Variants in MCMDC2 observed in about 807,000 individuals in gnomAD.
MCMDC2 encodes minichromosome maintenance domain-containing protein 2.
A neutral mutation model predicts 75.8 loss-of-function variants in MCMDC2; 54 were observed. The observed-to-expected ratio is 0.71, with a 90% confidence interval of 0.57 to 0.89. The LOEUF (loss-of-function observed/expected upper bound fraction) is 0.89. MCMDC2 is among the 40% of genes least tolerant of loss of function. The pLI is 0.00. For missense variants in MCMDC2, 656 were observed against 780.4 expected (o/e 0.84, Z 1.90); for synonymous variants, 249 against 274.6 (o/e 0.91, Z 0.92).
At position 66,920,386 on chromosome 8, in the gene MCMDC2, A is replaced by C. The variant is rs58005291; in HGVS notation, c.*1217A>C. 6.6e-6 allele frequency: 1 copy of C among 152,160 alleles called. No homozygotes were observed. The highest frequency in any genetic ancestry group is 2.1e-4 in the South Asian group (1 of 4,804). The allele number at this position is 152,160 out of a possible 1,614,324, so 9.4% of individuals were successfully genotyped here. A position where few individuals can be genotyped will look rare whatever the true frequency, so the allele number is the denominator to read the frequency against. ...CAGGTGCACTCCACCATGACTGGCT[A>C]ATTTTTGTATTTTTAGTAGAGACAG... On this transcript the variant is annotated 3_prime_UTR_variant, in exon 15 of 15. Coordinates refer to ENST00000422365, the MANE Select transcript of MCMDC2 (RefSeq NM_173518.5).
chr8:66,893,883 G>A (rs567639973), intron 10 of MCMDC2, among the ~76,000 whole-genome samples: 100 of 152,242 alleles, frequency 6.6e-4, no homozygotes, highest in African/African-American at 2.3e-3. Flanking sequence ...CACTCGTGAA[G>A]TTGGCCCTGC....
intron 11 of MCMDC2, 34 bp downstream of exon 11, chr8:66,896,370 T>G (rs962671006): frequency 7.8e-6 from 12 of 1,530,014 alleles, no homozygotes; most frequent in Non-Finnish European, 1.0e-5. Flanking sequence ...GTTAGAATGT[T>G]GTTCAAGGAA....
intron 9 of MCMDC2, among the ~76,000 whole-genome samples, 183 bp from the exon 10 acceptor site, chr8:66,890,682 G>A (rs973115302): frequency 6.6e-6 from 1 of 151,984 alleles, no homozygotes; most frequent in African/African-American, 2.4e-5. Context: ...TAGCATGTCT[G>A]GCTAATTTTC....
At chr8:66,900,261 A>G (rs1451708746) in intron 12 of MCMDC2, among the ~76,000 whole-genome samples, 1 of 152,046 alleles carries the variant, frequency 6.6e-6, no homozygotes, top group Non-Finnish European at 1.5e-5. Context: ...ACATAGTGAA[A>G]CCCCATCTCT....
At chr8:66,889,689 C>T (rs764471034) in intron 9 of MCMDC2, among the ~76,000 whole-genome samples, 1 of 152,050 alleles carries the variant, frequency 6.6e-6, no homozygotes, top group Non-Finnish European at 1.5e-5. Flanking sequence ...GTCCCAGCTA[C>T]TTGGGAGGCT....
intron 12 of MCMDC2, among the ~76,000 whole-genome samples, chr8:66,899,875 A>G (rs1381127329): frequency 6.6e-6 from 1 of 151,312 alleles, no homozygotes; most frequent in African/African-American, 2.4e-5. Context: ...TAATCCCAGC[A>G]CTCTGGGAGG....
At chr8:66,923,162 G>A (rs1813615914), downstream of MCMDC2, among the ~76,000 whole-genome samples, 2 of 152,130 alleles carry the variant, frequency 1.3e-5, no homozygotes, top group African/African-American at 4.8e-5. Context: ...CTATGAGCCA[G>A]GTTAGATGTA....
chr8:66,888,328 C>T (rs1286492218), intron 9 of MCMDC2, among the ~76,000 whole-genome samples: 3 of 152,114 alleles, frequency 2.0e-5, no homozygotes, highest in Non-Finnish European at 4.4e-5. Flanking sequence ...GTGATCTTCC[C>T]GCCTCGGCCT....
intron 13 of MCMDC2, among the ~76,000 whole-genome samples, chr8:66,902,369 G>T (rs1227811676): frequency 6.7e-6 from 1 of 150,286 alleles, no homozygotes; most frequent in African/African-American, 2.5e-5. Context: ...CAGCCTGCGT[G>T]ACAGAGTGAA....
chr8:66,912,261 T>C (rs545382982), intron 14 of MCMDC2, among the ~76,000 whole-genome samples: 1 of 152,264 alleles, frequency 6.6e-6, no homozygotes, highest in Admixed American at 6.5e-5. Flanking sequence ...GAACTAGAAT[T>C]AGAAGTGGAA....
chr8:66,910,177 G>T (rs566167643), intron 14 of MCMDC2, among the ~76,000 whole-genome samples: 2 of 152,338 alleles, frequency 1.3e-5, no homozygotes, highest in Middle Eastern at 3.4e-3. Flanking sequence ...TTTGCTGCAG[G>T]GATGTAGCCC....
chr8:66,902,505 A>G (rs1812710132), intron 13 of MCMDC2, among the ~76,000 whole-genome samples: 1 of 151,086 alleles, frequency 6.6e-6, no homozygotes, highest in African/African-American at 2.4e-5. Flanking sequence ...CCTGGCCAAC[A>G]TGGTGAAACC....
chr8:66,901,282 C>G lies in MCMDC2; in HGVS notation c.1703C>G (p.Ala568Gly). Residue 568 changes from alanine (A) to glycine (G), a missense_variant, in exon 13 of 15, where the codon GCA becomes GGA. Transcript: ENST00000422365. ...AERMTHGYYL[A>G]SRRIRTGSVC... is the part of the protein sequence containing the mutation. ...AGAATGACCCATGGCTATTATCTAG[C>G]AAGTCGCAGAATCAGAACAGGCTCT... is the stretch of plus-strand genomic sequence containing the variant. 1.2e-6 allele frequency: 2 copies of G among 1,614,028 alleles called. No homozygotes were observed. The highest frequency in any genetic ancestry group is 1.7e-6 in the Non-Finnish European group (2 of 1,179,958).
In MCMDC2 at chr8:66,874,130, A is replaced by T. The variant is rs1050176850; in HGVS notation, c.-11A>T. The T allele has an allele frequency of 1.3e-6, 2 of 1,576,418 alleles. No individual in the cohort carries two copies. The highest frequency in any genetic ancestry group is 3.4e-4 in the Middle Eastern group (2 of 5,896). ...GTGGTTTAATCAATTAGAAATATTA[A>T]CCAGGAGAAAATGTCAAATCTAAAA... On this transcript the variant is annotated 5_prime_UTR_variant, in exon 2 of 15. Transcript: ENST00000422365.
Position 66,874,156 on chromosome 8 carries a change from A to G in MCMDC2, c.16A>G (p.Met6Val). Residue 6 changes from methionine (M) to valine (V), a missense_variant, in exon 2 of 15, where the codon ATG (methionine) becomes GTG (valine). Transcript: ENST00000422365. Reference protein sequence around the residue: MSNLKMKEAALIYLDR... With the variant: MSNLKVKEAALIYLDR... ...CCAGGAGAAAATGTCAAATCTAAAA[A>G]TGAAAGAGGCGGCCCTCATCTATCT... 1 of 1,590,838 alleles carries G rather than the reference A, an allele frequency of 6.3e-7. No individual in the cohort carries two copies. The highest frequency in any genetic ancestry group is 8.5e-7 in the Non-Finnish European group (1 of 1,173,368).
intron 9 of MCMDC2, among the ~76,000 whole-genome samples, chr8:66,887,997 G>A (rs1334595460): frequency 6.6e-5 from 10 of 152,230 alleles, no homozygotes; most frequent in Middle Eastern, 3.4e-3. Context: ...GTTCAGTCTT[G>A]AAATCAGGTA....
chr8:66,884,960 A>C (rs563750258), intron 9 of MCMDC2, among the ~76,000 whole-genome samples: 15 of 152,048 alleles, frequency 9.9e-5, no homozygotes, highest in African/African-American at 3.6e-4. Context: ...AATTTTTTAT[A>C]TAAACAAAGT....
intron 14 of MCMDC2, among the ~76,000 whole-genome samples, chr8:66,906,554 T>A (rs1460156712): frequency 2.0e-5 from 3 of 152,030 alleles, no homozygotes; most frequent in Admixed American, 2.0e-4. Flanking sequence ...CTTATACATT[T>A]TTTTCCGAGG....
intron 14 of MCMDC2, among the ~76,000 whole-genome samples, chr8:66,916,313 A>G (rs1357039601): frequency 6.6e-6 from 1 of 152,206 alleles, no homozygotes; most frequent in Non-Finnish European, 1.5e-5. Context: ...GAAAATGGAT[A>G]CAGAACCAAG....
Sources: gnomAD v4.1 joint callset for allele counts (sites outside exome capture counted in the v4.1 genomes callset) on GRCh38, gnomAD v4.1.1 for gene constraint, MANE v1.5 for transcripts, NCBI Gene and HGNC (gene_info 2026-07-23, HGNC 2026-07-21) for gene names.